The following MSRA variants were observed in gnomAD, a reference collection of about 807,000 sequenced individuals.
MSRA encodes methionine sulfoxide reductase A.
In MSRA, 54 loss-of-function variants were observed where a neutral mutation model predicts 31.3. The ratio of observed to expected loss-of-function variants is 1.73; its 90% confidence interval spans 1.39 to 2.17. The LOEUF is 2.17. MSRA is among the 30% of genes most tolerant of loss of function. The pLI, the probability that MSRA is intolerant of heterozygous loss-of-function variation, is 0.00. For synonymous variants in MSRA, 169 were observed against 116.5 expected (o/e 1.45, Z -2.90); for missense variants, 507 against 300.9 (o/e 1.69, Z -5.07).
At chr8:10,361,218 C>T (rs904930055) in intron 5 of MSRA, among the ~76,000 whole-genome samples, 47 of 152,326 alleles carry the variant, frequency 3.1e-4, no homozygotes, top group African/African-American at 1.1e-3. Context: ...CCCAAGATAA[C>T]AGGCCTTTTG....
In MSRA at chr8:10,297,125, T is replaced by C. The variant is rs1387872057; in HGVS notation, c.332-4409T>C. The stretch of plus-strand genomic sequence containing the variant: ...CACCTAGTTCCATGGATGACTTAGC[T>C]TCCATGTAGCTAGATGACCCCAGAA... On this transcript the variant is annotated intron_variant, in intron 3 of 5. Coordinates refer to ENST00000317173, the MANE Select transcript of MSRA (RefSeq NM_012331.5). Among the ~76,000 whole-genome samples, 7 of 152,190 alleles carry C rather than the reference T, an allele frequency of 4.6e-5. No homozygotes were observed. The South Asian group carries it at 1.2e-3, about 27-fold the overall frequency.
intron 3 of MSRA, among the ~76,000 whole-genome samples, chr8:10,283,438 A>T (rs529588861): frequency 1.5e-4 from 23 of 150,178 alleles, no homozygotes; most frequent in South Asian, 8.3e-4. Flanking sequence ...TTTCTTTTTT[A>T]AAAAAATTTT....
intron 1 of MSRA, among the ~76,000 whole-genome samples, chr8:10,091,553 A>T (rs1255923501): frequency 6.6e-6 from 1 of 150,376 alleles, no homozygotes; most frequent in African/African-American, 2.5e-5. Flanking sequence ...CAGTATACTG[A>T]TTTCATTTTC....
intron 1 of MSRA, among the ~76,000 whole-genome samples, chr8:10,085,169 C>G (rs1798495269): frequency 2.0e-5 from 3 of 152,162 alleles, no homozygotes; most frequent in African/African-American, 7.2e-5. Context: ...TTCCTGCCCT[C>G]CTGTGGGCCT....
At chr8:10,126,913 G>C (rs1801544008) in intron 1 of MSRA, among the ~76,000 whole-genome samples, 1 of 152,198 alleles carries the variant, frequency 6.6e-6, no homozygotes, top group African/African-American at 2.4e-5. Flanking sequence ...CTACTGCTCT[G>C]TTAGGAGGCG....
intron 1 of MSRA, among the ~76,000 whole-genome samples, chr8:10,151,769 T>G (rs538011028): frequency 8.5e-5 from 13 of 152,274 alleles, no homozygotes; most frequent in South Asian, 6.2e-4. Flanking sequence ...GATGGTGAGA[T>G]TATTTAGACT....
Position 10,129,796 on chromosome 8 carries a change from C to T in MSRA, c.142+75138C>T, listed in dbSNP as rs574032725. Among the ~76,000 whole-genome samples, 11 of 152,266 alleles carry T rather than the reference C, an allele frequency of 7.2e-5. No individual in the cohort carries two copies. In the South Asian group the frequency reaches 1.0e-3, roughly 14 times the overall value. On this transcript the variant is annotated intron_variant, in intron 1 of 5. Transcript: ENST00000317173. ...GTGGCTGAGTTGAATCTGTCCAAACCAGCTTATACTTGTGCAAACTCTGTG... is the reference window on the plus strand; with the variant it reads ...GTGGCTGAGTTGAATCTGTCCAAACTAGCTTATACTTGTGCAAACTCTGTG...
At chr8:10,152,994 G>C (rs1258735498) in intron 1 of MSRA, among the ~76,000 whole-genome samples, 5 of 152,190 alleles carry the variant, frequency 3.3e-5, no homozygotes, top group Non-Finnish European at 7.3e-5. Context: ...GTGATTTCCA[G>C]GGGCTGAGGA....
chr8:10,294,031 C>G (rs1800394620), intron 3 of MSRA, among the ~76,000 whole-genome samples: 1 of 152,014 alleles, frequency 6.6e-6, no homozygotes, highest in Non-Finnish European at 1.5e-5. Flanking sequence ...TGGCGAAACC[C>G]CATCTCTACT....
At chr8:10,311,471 C>CT (rs199666316) in intron 4 of MSRA, among the ~76,000 whole-genome samples, 9 of 140,406 alleles carry the variant, frequency 6.4e-5, no homozygotes, top group African/African-American at 2.2e-4. Context: ...TACCCCACAC[C>CT]TGGGGGGGCG....
At chr8:10,171,006 C>G (rs773975386) in intron 1 of MSRA, among the ~76,000 whole-genome samples, 12 of 152,170 alleles carry the variant, frequency 7.9e-5, no homozygotes, top group African/African-American at 1.2e-4. Context: ...GCTCTTGATC[C>G]GAGGGGAAAG....
intron 3 of MSRA, among the ~76,000 whole-genome samples, chr8:10,293,016 G>C (rs1800328670): frequency 6.6e-6 from 1 of 152,178 alleles, no homozygotes; most frequent in Non-Finnish European, 1.5e-5. Context: ...AGGGCTTGTT[G>C]GCCTCTGGCT....
At chr8:10,228,496 T>C (rs2129071543) in intron 2 of MSRA, among the ~76,000 whole-genome samples, 1 of 152,282 alleles carries the variant, frequency 6.6e-6, no homozygotes, top group South Asian at 2.1e-4. Flanking sequence ...TGCCACTGAA[T>C]CTATGTAATG....
At chr8:10,082,476 G>A (rs1798344327) in intron 1 of MSRA, among the ~76,000 whole-genome samples, 2 of 152,082 alleles carry the variant, frequency 1.3e-5, no homozygotes, top group African/African-American at 4.8e-5. Context: ...GAAAACATAC[G>A]TCATCTTTTC....
intron 2 of MSRA, among the ~76,000 whole-genome samples, chr8:10,214,738 C>G (rs1294294121): frequency 6.6e-6 from 1 of 152,148 alleles, no homozygotes; most frequent in Non-Finnish European, 1.5e-5. Context: ...TGGTAGAACA[C>G]TTGGAGAGAT....
At chr8:10,282,495 T>C (rs571153236) in intron 3 of MSRA, among the ~76,000 whole-genome samples, 1 of 152,320 alleles carries the variant, frequency 6.6e-6, no homozygotes, top group African/African-American at 2.4e-5. Context: ...ATAGTCGACA[T>C]TGTGGGGACA....
intron 1 of MSRA, among the ~76,000 whole-genome samples, chr8:10,186,564 T>A (rs1291205331): frequency 1.3e-5 from 2 of 152,200 alleles, no homozygotes; most frequent in African/African-American, 4.8e-5. Flanking sequence ...TGGCCATGGT[T>A]TTGCCAATCC....
At chr8:10,127,586 A>G (rs1399162023) in intron 1 of MSRA, among the ~76,000 whole-genome samples, 2 of 152,176 alleles carry the variant, frequency 1.3e-5, no homozygotes, top group African/African-American at 4.8e-5. Context: ...AGGATGATAC[A>G]TTAATGTTTT....
intron 4 of MSRA, among the ~76,000 whole-genome samples, chr8:10,316,341 C>T (rs923817172): frequency 2.6e-5 from 4 of 152,080 alleles, no homozygotes; most frequent in Non-Finnish European, 5.9e-5. Context: ...CAACAGGCAA[C>T]CAGCCTCTCT....
Sources: gnomAD v4.1 joint callset for allele counts (sites outside exome capture counted in the v4.1 genomes callset) on GRCh38, gnomAD v4.1.1 for gene constraint, MANE v1.5 for transcripts, NCBI Gene and HGNC (gene_info 2026-07-23, HGNC 2026-07-21) for gene names.